Variants in RUNX1T1 observed in about 807,000 individuals in gnomAD.
RUNX1T1 encodes RUNX1 partner transcriptional co-repressor 1, also known as protein CBFA2T1.
In RUNX1T1, 4 loss-of-function variants were observed where a neutral mutation model predicts 62.8. The ratio of observed to expected loss-of-function variants is 0.06; its 90% CI spans 0.03 to 0.15. RUNX1T1 has a LOEUF of 0.15. Among genes scored for constraint, RUNX1T1 ranks in the 10% least tolerant of loss-of-function variants. RUNX1T1 has a pLI of 1.00. For missense variants in RUNX1T1, 508 were observed against 754.3 expected, an observed-to-expected ratio of 0.67 and a Z score of 3.82; for synonymous variants, 291 against 286.0, an observed-to-expected ratio of 1.02 and a Z score of -0.18.
chr8:91,962,013 A>AATACT (rs1810565747), intron 10 of RUNX1T1, among the ~76,000 whole-genome samples: 1 of 152,188 alleles, frequency 6.6e-6, no homozygotes, highest in African/African-American at 2.4e-5. Flanking sequence ...AGCTGCTGAC[A>AATACT]ATACTATACT....
chr8:92,021,813 G>A (rs542331477), intron 1 of RUNX1T1, among the ~76,000 whole-genome samples: 1 of 151,692 alleles, frequency 6.6e-6, no homozygotes, highest in Admixed American at 6.6e-5. Flanking sequence ...ATCCATTCCT[G>A]ACTTTTCTCT....
chr8:91,962,320 A>G (rs1391734717), intron 10 of RUNX1T1, among the ~76,000 whole-genome samples: 1 of 152,212 alleles, frequency 6.6e-6, no homozygotes, highest in African/African-American at 2.4e-5. Context: ...ACAAAAACAA[A>G]ACAAAAACTT....
chr8:92,034,643 G>A (rs1382535493), intron 1 of RUNX1T1, among the ~76,000 whole-genome samples: 1 of 127,700 alleles, frequency 7.8e-6, no homozygotes, highest in Non-Finnish European at 1.7e-5. Context: ...TCCATCAACA[G>A]ACGACTAAAG....
chr8:92,022,746 A>C (rs192223443), intron 1 of RUNX1T1, among the ~76,000 whole-genome samples: 1 of 152,348 alleles, frequency 6.6e-6, no homozygotes. Flanking sequence ...GTACTGATAT[A>C]GCAGCACAAA....
intron 1 of RUNX1T1, among the ~76,000 whole-genome samples, chr8:92,055,459 T>C (rs558809569): frequency 6.6e-6 from 1 of 152,294 alleles, no homozygotes; most frequent in Non-Finnish European, 1.5e-5. Context: ...AATTTTTTTT[T>C]GAGACAGGGT....
At chr8:92,084,315 T>C (rs762728882) in intron 1 of RUNX1T1, among the ~76,000 whole-genome samples, 1 of 151,752 alleles carries the variant, frequency 6.6e-6, no homozygotes, top group Non-Finnish European at 1.5e-5. Context: ...GGGGTGGATT[T>C]TGCTTTTGTT....
intron 2 of RUNX1T1, among the ~76,000 whole-genome samples, chr8:92,074,593 G>A (rs1834154513): frequency 6.6e-6 from 1 of 152,070 alleles, no homozygotes; most frequent in Non-Finnish European, 1.5e-5. Context: ...AAAGCGGGAT[G>A]GTTATTATTA....
rs183832121 is a variant in RUNX1T1, at chr8:92,011,236, T to C, written c.388-145A>G. 211 of 589,628 alleles carry C rather than the reference T, an allele frequency of 3.6e-4. 1 individual carries two copies. Among genetic ancestry groups the C allele is most frequent in the African/African-American group, 3.0e-3 (160 of 53,658 alleles). The allele number at this position is 589,628 out of a possible 1,614,324, so 36.5% of individuals were successfully genotyped here. A position where few individuals can be genotyped will look rare whatever the true frequency, so the allele number is the denominator to read the frequency against. On this transcript the variant is annotated intron_variant, in intron 3 of 10. Transcript: ENST00000396218. ...AAACCAGTATTTTCAATAAAACCTA[T>C]TGACTTTGTAAAAATGATCACACAG...
intron 5 of RUNX1T1, among the ~76,000 whole-genome samples, chr8:92,004,181 G>A (rs1261053149): frequency 6.6e-6 from 1 of 152,218 alleles, no homozygotes; most frequent in Admixed American, 6.5e-5. Context: ...GTGTCAGGGT[G>A]TTAACCTCTC....
chr8:91,963,360 C>T (rs1354379461), intron 10 of RUNX1T1, among the ~76,000 whole-genome samples: 2 of 152,168 alleles, frequency 1.3e-5, no homozygotes, highest in Non-Finnish European at 2.9e-5. Context: ...AAAAAATCTG[C>T]AAATTTTTAT....
chr8:92,024,967 T>G (rs1230588501), intron 1 of RUNX1T1, among the ~76,000 whole-genome samples: 1 of 152,202 alleles, frequency 6.6e-6, no homozygotes, highest in African/African-American at 2.4e-5. Flanking sequence ...TAATGTGTAT[T>G]GCATTCTTGG....
intron 1 of RUNX1T1, among the ~76,000 whole-genome samples, chr8:92,021,043 A>C (rs1452983748): frequency 6.6e-6 from 1 of 152,196 alleles, no homozygotes; most frequent in African/African-American, 2.4e-5. Flanking sequence ...TAGGTGGTAC[A>C]TCTTTTTCTA....
chr8:92,072,886 T>A (rs952826985), intron 2 of RUNX1T1, among the ~76,000 whole-genome samples: 2 of 152,220 alleles, frequency 1.3e-5, no homozygotes, highest in Non-Finnish European at 2.9e-5. Flanking sequence ...ATCATCTATA[T>A]CAGCATTTTA....
intron 1 of RUNX1T1, among the ~76,000 whole-genome samples, chr8:92,080,563 A>T (rs529904711): frequency 2.0e-5 from 3 of 152,262 alleles, no homozygotes; most frequent in African/African-American, 4.8e-5. Context: ...GCATTGGATT[A>T]TCTCACAATT....
At chr8:91,987,477 G>T (rs73306017) in intron 6 of RUNX1T1, among the ~76,000 whole-genome samples, 1 of 152,030 alleles carries the variant, frequency 6.6e-6, no homozygotes, top group South Asian at 2.1e-4. Context: ...ATATACCTCC[G>T]TGATAAAATT....
intron 10 of RUNX1T1, among the ~76,000 whole-genome samples, chr8:91,964,889 C>T (rs1476830594): frequency 1.3e-5 from 2 of 152,190 alleles, no homozygotes. Flanking sequence ...TCATTTCCAA[C>T]TTCATCACTT....
At chr8:91,977,200 C>A in intron 8 of RUNX1T1, 1 of 197,744 alleles carries the variant, frequency 5.1e-6, no homozygotes. Context: ...CTCAACTATT[C>A]TGAATTAGCA....
intron 9 of RUNX1T1, among the ~76,000 whole-genome samples, chr8:91,975,111 T>C (rs1431722688): frequency 6.6e-6 from 1 of 152,236 alleles, no homozygotes; most frequent in African/African-American, 2.4e-5. Flanking sequence ...ATGTTTTTCA[T>C]GGCCTCTTTA....
chr8:92,015,861 T>A (rs894056247), intron 2 of RUNX1T1, among the ~76,000 whole-genome samples: 3 of 152,204 alleles, frequency 2.0e-5, no homozygotes, highest in African/African-American at 7.2e-5. Context: ...AAATGCCAGC[T>A]CACCAGGACA....
Sources: allele counts gnomAD v4.1 joint callset (sites outside exome capture counted in the v4.1 genomes callset), GRCh38; gene constraint gnomAD v4.1.1; transcripts MANE v1.5; gene names NCBI Gene and HGNC (gene_info 2026-07-23, HGNC 2026-07-21).